The following MYO5B variants were observed in gnomAD, a reference collection of about 807,000 sequenced individuals.
The protein encoded by MYO5B is unconventional myosin-Vb.
Under a neutral mutation model 229.3 loss-of-function variants are expected in MYO5B, and 143 were observed. The ratio of observed to expected loss-of-function variants is 0.62; its 90% CI spans 0.54 to 0.72. The LOEUF (loss-of-function observed/expected upper bound fraction) is 0.72, where lower values mean the gene tolerates loss of function less well. Among genes scored for constraint, MYO5B ranks in the 30% least tolerant of loss-of-function variants. The pLI, the probability that MYO5B is intolerant of heterozygous loss-of-function variation, is 0.00. For synonymous variants in MYO5B, 918 were observed against 885.2 expected, an observed-to-expected ratio of 1.04 and a Z score of -0.66; for missense variants, 2,321 against 2,331.0, an observed-to-expected ratio of 1.00 and a Z score of 0.09.
At chr18:49,951,683 C>T (rs1433202201) in intron 14 of MYO5B, among the ~76,000 whole-genome samples, 1 of 152,102 alleles carries the variant, frequency 6.6e-6, no homozygotes, top group Non-Finnish European at 1.5e-5. Flanking sequence ...GAAAAGTACC[C>T]ACCTCTCTTC....
At chr18:50,115,683 G>C (rs1379574769) in intron 1 of MYO5B, among the ~76,000 whole-genome samples, 3 of 152,038 alleles carry the variant, frequency 2.0e-5, no homozygotes, top group African/African-American at 4.8e-5. Context: ...GAATCTTACA[G>C]AATAGTCTAG....
intron 4 of MYO5B, among the ~76,000 whole-genome samples, chr18:50,007,866 G>A (rs1165927914): frequency 6.6e-6 from 1 of 152,212 alleles, no homozygotes; most frequent in Admixed American, 6.5e-5. Flanking sequence ...AGATTCATAA[G>A]ATCACTGGAT....
Position 50,195,137 on chromosome 18 carries a change from G to T in MYO5B, c.-344C>A, listed in dbSNP as rs1244813562. On this transcript the variant is annotated 5_prime_UTR_variant, in exon 1 of 40. Coordinates refer to ENST00000285039, the MANE Select transcript of MYO5B (RefSeq NM_001080467.3). ...CGTCAGAGCGGACGGCCCGTGCGCCGCCGCGCCTCTGAGCCCTGCCGGTGC... is the reference window on the plus strand; with the variant it reads ...CGTCAGAGCGGACGGCCCGTGCGCCTCCGCGCCTCTGAGCCCTGCCGGTGC... The T allele has an allele frequency of 1.0e-5, 2 of 192,516 alleles. No individual in the cohort carries two copies. Among genetic ancestry groups the T allele is most frequent in the African/African-American group, 2.3e-5 (1 of 42,690 alleles). The allele number at this position is 192,516 out of a possible 1,614,324, so 11.9% of individuals were successfully genotyped here. A position where few individuals can be genotyped will look rare whatever the true frequency, so the allele number is the denominator to read the frequency against.
intron 17 of MYO5B, among the ~76,000 whole-genome samples, chr18:49,914,775 CA>C (rs5824810): frequency 0.49 from 51,408 of 105,944 alleles, 9,840 homozygotes; most frequent in Middle Eastern, 0.64. Flanking sequence ...GACCTTGTCT[CA>C]AAAAAAAAAA....
intron 1 of MYO5B, among the ~76,000 whole-genome samples, chr18:50,170,592 C>G (rs139887323): frequency 7.9e-6 from 1 of 126,632 alleles, no homozygotes; most frequent in South Asian, 2.7e-4. Context: ...CTTCTCACTC[C>G]GAACAGTACT....
chr18:49,909,073 CGTTCT>C (rs1282766238), intron 18 of MYO5B, among the ~76,000 whole-genome samples: 15 of 152,162 alleles, frequency 9.9e-5, no homozygotes, highest in Admixed American at 9.2e-4. Flanking sequence ...CACTTCTCAT[CGTTCT>C]GTTCTAAAAC....
At chr18:50,103,739 T>A (rs758187203) in intron 1 of MYO5B, among the ~76,000 whole-genome samples, 8 of 150,872 alleles carry the variant, frequency 5.3e-5, no homozygotes, top group Non-Finnish European at 1.0e-4. Flanking sequence ...AGACCTTGTC[T>A]CCTCATCTGC....
chr18:50,054,134 C>G (rs1329339501), intron 2 of MYO5B, among the ~76,000 whole-genome samples: 1 of 152,170 alleles, frequency 6.6e-6, no homozygotes, highest in African/African-American at 2.4e-5. Context: ...ACAAGAAGGT[C>G]TCAGGGCTTT....
chr18:50,077,390 G>A (rs1408799406), intron 1 of MYO5B, among the ~76,000 whole-genome samples: 2 of 151,916 alleles, frequency 1.3e-5, no homozygotes, highest in African/African-American at 2.4e-5. Context: ...CCCTTTCTAA[G>A]AGAAATTAGG....
At chr18:50,173,566 C>G (rs1244297484) in intron 1 of MYO5B, among the ~76,000 whole-genome samples, 1 of 152,048 alleles carries the variant, frequency 6.6e-6, no homozygotes, top group East Asian at 1.9e-4. Context: ...ATTATGCGGG[C>G]CAGAGATCGT....
chr18:49,851,964 T>C (rs553040), intron 31 of MYO5B, among the ~76,000 whole-genome samples: 100,607 of 151,990 alleles, frequency 0.66, 33,601 homozygotes, highest in Admixed American at 0.77. Context: ...GGAAGGAGTC[T>C]CTCAGCAGGC....
chr18:50,007,834 C>G (rs548854786), intron 4 of MYO5B, among the ~76,000 whole-genome samples: 1 of 152,310 alleles, frequency 6.6e-6, no homozygotes, highest in East Asian at 1.9e-4. Flanking sequence ...TTATGAGACT[C>G]TTAGTATATA....
intron 1 of MYO5B, among the ~76,000 whole-genome samples, chr18:50,134,928 A>C (rs550906680): frequency 6.6e-6 from 1 of 152,310 alleles, no homozygotes; most frequent in African/African-American, 2.4e-5. Context: ...GAGATAAAAC[A>C]ATCATTTATA....
chr18:50,159,339 C>A (rs945103073), intron 1 of MYO5B, among the ~76,000 whole-genome samples: 1 of 152,176 alleles, frequency 6.6e-6, no homozygotes, highest in South Asian at 2.1e-4. Flanking sequence ...ATTATTTCAA[C>A]CCCTGCAGAA....
chr18:49,992,755 A>G (rs1015285619), intron 5 of MYO5B, among the ~76,000 whole-genome samples: 25 of 152,160 alleles, frequency 1.6e-4, no homozygotes, highest in African/African-American at 6.0e-4. Flanking sequence ...CTGTGATGGT[A>G]CCAGCTATAG....
intron 17 of MYO5B, among the ~76,000 whole-genome samples, chr18:49,919,056 C>T (rs193185749): frequency 3.4e-4 from 52 of 152,304 alleles, no homozygotes; most frequent in African/African-American, 1.2e-3. Flanking sequence ...TTCTTTATCC[C>T]TTAAATGAAA....
chr18:50,083,745 C>A (rs1331145192), intron 1 of MYO5B, among the ~76,000 whole-genome samples: 1 of 152,144 alleles, frequency 6.6e-6, no homozygotes, highest in Non-Finnish European at 1.5e-5. Context: ...GGTGGATCAC[C>A]AAGGCCACCT....
At position 49,959,549 on chromosome 18, in the gene MYO5B, C is replaced by T. The variant is rs975736239; in HGVS notation, c.1545+2717G>A. On this transcript the variant is annotated intron_variant, in intron 12 of 39. Coordinates refer to ENST00000285039, the MANE Select transcript of MYO5B (RefSeq NM_001080467.3). ...CTCCCCACTGAGTGAGCTGATTTCA[C>T]TCCACAGTCCTGAGTGATTTCCTTT... Among the ~76,000 whole-genome samples the T allele has an allele frequency of 2.0e-5, 3 of 152,314 alleles. No individual in the cohort carries two copies. The East Asian group carries it at 5.8e-4, about 29-fold the overall frequency.
chr18:50,167,160 C>T (rs1057256203), intron 1 of MYO5B, among the ~76,000 whole-genome samples: 1 of 152,202 alleles, frequency 6.6e-6, no homozygotes, highest in Non-Finnish European at 1.5e-5. Flanking sequence ...ACAAAAGAAT[C>T]TTACATCTTT....
Sources: gnomAD v4.1 joint callset for allele counts (sites outside exome capture counted in the v4.1 genomes callset) on GRCh38, gnomAD v4.1.1 for gene constraint, MANE v1.5 for transcripts, NCBI Gene and HGNC (gene_info 2026-07-23, HGNC 2026-07-21) for gene names.